The following SEL1L3 variants were observed in gnomAD, a reference collection of about 807,000 sequenced individuals.
SEL1L3 encodes the protein SEL1L family member 3.
SEL1L3 carries 76 observed loss-of-function variants against 142.8 expected under a neutral mutation model. The ratio of observed to expected loss-of-function variants is 0.53; its 90% CI spans 0.44 to 0.64. The LOEUF (loss-of-function observed/expected upper bound fraction) is 0.64, where lower values mean the gene tolerates loss of function less well. Among genes scored for constraint, SEL1L3 ranks in the 30% least tolerant of loss-of-function variants. The pLI is 0.00. For synonymous variants in SEL1L3, 504 were observed against 519.6 expected (o/e 0.97, Z 0.41); for missense variants, 1,262 against 1,381.7 (o/e 0.91, Z 1.37).
At chr4:25,809,802 C>CAAACAGGGAACACAGCTCTTAAAAGG (rs1429513744) in intron 9 of SEL1L3, among the ~76,000 whole-genome samples, 3 of 152,188 alleles carry the variant, frequency 2.0e-5, no homozygotes. Flanking sequence ...GGTTCTTCAA[C>CAAACAGGGAACACAGCTCTTAAAAGG]AAACAGGGAA....
At chr4:25,721,292 C>T in the SEL1L3 span, among the ~76,000 whole-genome samples, 4 of 151,656 alleles carry the variant, frequency 2.6e-5, no homozygotes, top group Non-Finnish European at 5.9e-5. Flanking sequence ...GGATATGGTG[C>T]GGATTAACCC....
chr4:25,788,093 A>T lies in SEL1L3; in HGVS notation c.2217+131T>A, dbSNP rs764915581. On this transcript the variant is annotated intron_variant, in intron 13 of 23. Coordinates refer to ENST00000399878, the MANE Select transcript of SEL1L3 (RefSeq NM_015187.5). This position sits in a 1 kb window ranked among gnomAD's most constrained non-coding sequence, Gnocchi z 5.3. ...GCCTTTTTAGCCAACATTCTTTTCC[A>T]TCAAGAGTGACAGAAGCATATACTA... is the stretch of plus-strand genomic sequence containing the variant. The T allele has an allele frequency of 1.2e-6, 1 of 849,204 alleles. No individual in the cohort carries two copies. Among genetic ancestry groups the T allele is most frequent in the Non-Finnish European group, 1.9e-6 (1 of 535,672 alleles). The allele number at this position is 849,204 out of a possible 1,614,324, so 52.6% of individuals were successfully genotyped here.
At chr4:25,785,256 G>A (rs1034620703) in intron 13 of SEL1L3, among the ~76,000 whole-genome samples, 2 of 152,170 alleles carry the variant, frequency 1.3e-5, no homozygotes, top group South Asian at 2.1e-4. Flanking sequence ...GCTAGTTACC[G>A]TTCCTGTGTG....
At position 25,748,119 on chromosome 4, in the gene SEL1L3, G is replaced by A. The variant is rs989634546; in HGVS notation, c.*306C>T. 1 of 322,416 alleles carries A rather than the reference G, an allele frequency of 3.1e-6. No homozygotes were observed. Among genetic ancestry groups the A allele is most frequent in the Non-Finnish European group, 5.8e-6 (1 of 173,038 alleles). The allele number at this position is 322,416 out of a possible 1,614,324, so 20.0% of individuals were successfully genotyped here. ...GTATAAGAATCCAGATCTGCCGTAGGGCATGCTATGACTCCTAATACATAC... is the reference window on the plus strand; with the variant it reads ...GTATAAGAATCCAGATCTGCCGTAGAGCATGCTATGACTCCTAATACATAC... On this transcript the variant is annotated 3_prime_UTR_variant, in exon 24 of 24. Coordinates refer to ENST00000399878, the MANE Select transcript of SEL1L3 (RefSeq NM_015187.5).
chr4:25,784,329 C>A, intron 13 of SEL1L3, 39 bp from the exon 14 acceptor site: 1 of 1,476,968 alleles, frequency 6.8e-7, no homozygotes, highest in Non-Finnish European at 9.5e-7. Flanking sequence ...AAAGAAAATA[C>A]AACCAGACTG....
At chr4:25,756,599 C>A in intron 23 of SEL1L3, 2 of 942,450 alleles carry the variant, frequency 2.1e-6, no homozygotes, top group South Asian at 9.6e-5. Context: ...TGCCATGAGT[C>A]ATACAGCTAA....
intron 11 of SEL1L3, among the ~76,000 whole-genome samples, chr4:25,801,526 C>T (rs1713182299): frequency 6.6e-6 from 1 of 152,242 alleles, no homozygotes; most frequent in South Asian, 2.1e-4. Flanking sequence ...GACCCTATTA[C>T]TCCCTGTCCT....
chr4:25,802,251 T>C (rs1225923576), intron 11 of SEL1L3, 32 bp downstream of exon 11: 3 of 1,590,836 alleles, frequency 1.9e-6, no homozygotes, highest in Non-Finnish European at 2.6e-6. Flanking sequence ...AACAGGGCCA[T>C]AACCATTCCC....
chr4:25,784,270 G>A lies in SEL1L3; in HGVS notation c.2238C>T (p.Asn746=), dbSNP rs1017042678. The part of the protein sequence containing the change: ...VLFKGQGVKK[N]RRLALELMKK... ...TCATCAGCTCTAAGGCAAGCCGTCT[G>A]TTCTTTTTTACTCCTTGACCCTAAA... The change falls in exon 14 of 24, where the codon AAC becomes AAT. Residue 746 remains asparagine, a synonymous_variant. Coordinates refer to ENST00000399878, the MANE Select transcript of SEL1L3 (RefSeq NM_015187.5). The A allele has an allele frequency of 6.2e-7, 1 of 1,613,530 alleles. No individual in the cohort carries two copies. The highest frequency in any genetic ancestry group is 1.3e-5 in the African/African-American group (1 of 74,884).
rs184779028 is a variant in SEL1L3, at chr4:25,846,802, G to A, written c.733+492C>T. Among the ~76,000 whole-genome samples the A allele has an allele frequency of 1.8e-3, 280 of 151,560 alleles. 2 individuals are homozygous for A. Among genetic ancestry groups the A allele is most frequent in the African/African-American group, 5.1e-3 (212 of 41,300 alleles). Reference sequence around the variant, plus strand: ...TGGGTGCCTGTAATCCCAGCTACTCGGGAGGCTGAGGCAGGAGAATTGCTT... The same window carrying A: ...TGGGTGCCTGTAATCCCAGCTACTCAGGAGGCTGAGGCAGGAGAATTGCTT... On this transcript the variant is annotated intron_variant, in intron 2 of 23. Transcript: ENST00000399878.
chr4:25,750,508 C>T (rs1717525557), intron 23 of SEL1L3, among the ~76,000 whole-genome samples: 1 of 152,174 alleles, frequency 6.6e-6, no homozygotes, highest in Non-Finnish European at 1.5e-5. Context: ...AGGAGGTATA[C>T]AGGGGAAAAC....
At chr4:25,822,177 G>A (rs1304258478) in intron 6 of SEL1L3, 49 bp from the exon 7 acceptor site, 2 of 1,608,662 alleles carry the variant, frequency 1.2e-6, no homozygotes, top group Non-Finnish European at 1.7e-6. Flanking sequence ...GGAACTAGAT[G>A]ATTTAAAAAC....
intron 2 of SEL1L3, among the ~76,000 whole-genome samples, chr4:25,842,592 A>G (rs1346128984): frequency 6.6e-6 from 1 of 152,192 alleles, no homozygotes; most frequent in Non-Finnish European, 1.5e-5. Flanking sequence ...GAGTGTGTGC[A>G]GTGGCCCTAG....
the SEL1L3 span, among the ~76,000 whole-genome samples, chr4:25,742,391 G>T: frequency 5.5e-3 from 843 of 152,186 alleles, 8 homozygotes; most frequent in African/African-American, 0.019. Flanking sequence ...TCACCATGTT[G>T]CCCTGGCTGG....
chr4:25,731,492 C>T, the SEL1L3 span, among the ~76,000 whole-genome samples: 1 of 152,280 alleles, frequency 6.6e-6, no homozygotes, highest in East Asian at 1.9e-4. Flanking sequence ...TCCTTCCCTC[C>T]CTGCCTTCTA....
At chr4:25,773,031 A>C (rs544235127) in intron 17 of SEL1L3, among the ~76,000 whole-genome samples, 10 of 152,170 alleles carry the variant, frequency 6.6e-5, no homozygotes, top group African/African-American at 9.7e-5. Flanking sequence ...TCCTGACCTC[A>C]AATGATCCAC....
chr4:25,782,481 C>T, intron 14 of SEL1L3, 63 bp from the exon 15 acceptor site: 1 of 1,427,638 alleles, frequency 7.0e-7, no homozygotes, highest in Non-Finnish European at 9.6e-7. Context: ...GCTCTGGAAG[C>T]AATTATTGTG....
chr4:25,807,773 G>A (rs1386139359), intron 9 of SEL1L3, among the ~76,000 whole-genome samples: 1 of 152,048 alleles, frequency 6.6e-6, no homozygotes, highest in Non-Finnish European at 1.5e-5. Flanking sequence ...GGAGCGCCCA[G>A]GTAGCTGAGA....
intron 11 of SEL1L3, among the ~76,000 whole-genome samples, chr4:25,792,541 C>T (rs923293157): frequency 1.7e-4 from 26 of 152,212 alleles, no homozygotes; most frequent in Admixed American, 6.5e-5. Flanking sequence ...GGGTGGGGAG[C>T]CTGGAATTGT....
Sources: allele counts gnomAD v4.1 joint callset (sites outside exome capture counted in the v4.1 genomes callset), GRCh38; gene constraint gnomAD v4.1.1; non-coding constraint Gnocchi (gnomAD v3.1); transcripts MANE v1.5; gene names NCBI Gene and HGNC (gene_info 2026-07-23, HGNC 2026-07-21).